Variants in CEPT1 observed in about 807,000 individuals in gnomAD.
CEPT1 encodes the protein choline/ethanolaminephosphotransferase 1.
Under a neutral mutation model 42.6 loss-of-function variants are expected in CEPT1, and 7 were observed. The observed-to-expected ratio is 0.16, with a 90% CI of 0.09 to 0.31. CEPT1 has a LOEUF of 0.31. CEPT1 is among the 10% of genes least tolerant of loss of function. The pLI is 1.00. For synonymous variants in CEPT1, 171 were observed against 171.9 expected (o/e 0.99, Z 0.04); for missense variants, 306 against 502.1 (o/e 0.61, Z 3.73).
intron 4 of CEPT1, among the ~76,000 whole-genome samples, chr1:111,166,600 A>G (rs1656155823): frequency 1.3e-5 from 2 of 152,198 alleles, no homozygotes; most frequent in African/African-American, 4.8e-5. Context: ...CTTTCCACAT[A>G]TATGCTAGTT....
At chr1:111,180,437 C>T (rs186584346) in intron 5 of CEPT1, 1 of 152,118 alleles carries the variant, frequency 6.6e-6, no homozygotes. Flanking sequence ...TCAAAGCAAC[C>T]ATGGTGTTGA....
chr1:111,165,522 A>G (rs1656104878), intron 4 of CEPT1, among the ~76,000 whole-genome samples: 1 of 152,160 alleles, frequency 6.6e-6, no homozygotes, highest in Non-Finnish European at 1.5e-5. Context: ...TTTTTTATAT[A>G]TCAGCTTGGG....
intron 2 of CEPT1, among the ~76,000 whole-genome samples, chr1:111,157,927 G>A (rs1655655426): frequency 6.6e-6 from 1 of 152,276 alleles, no homozygotes; most frequent in African/African-American, 2.4e-5. Flanking sequence ...AAACTACCTT[G>A]TGATTATAAA....
intron 5 of CEPT1, chr1:111,179,864 A>G (rs1656885116): frequency 6.6e-6 from 1 of 152,216 alleles, no homozygotes; most frequent in Non-Finnish European, 1.5e-5. Context: ...GTACAAAATC[A>G]ATTCAAACAA....
chr1:111,145,295 C>T (rs1238781543), intron 1 of CEPT1, among the ~76,000 whole-genome samples: 2 of 152,152 alleles, frequency 1.3e-5, no homozygotes, highest in East Asian at 1.9e-4. Flanking sequence ...TGAGCCACCG[C>T]GCCTGGCGAA....
Position 111,178,668 on chromosome 1 carries a change from A to G in CEPT1, c.715-3519A>G, listed in dbSNP as rs187753166. On this transcript the variant is annotated intron_variant, in intron 5 of 8. Transcript: ENST00000357172. ...TATTCTTATTTGGAAGAGACTTAAT[A>G]TAATCAACTCATGGTTACTTTTACT... 5.9e-5 allele frequency: 9 copies of G among 152,312 alleles called. No individual in the cohort carries two copies. In the East Asian group the frequency reaches 1.7e-3, roughly 29 times the overall value. 9.4% of individuals were successfully genotyped at this position (152,312 alleles called of 1,614,324 possible).
At chr1:111,179,191 T>C (rs1345354673) in intron 5 of CEPT1, 1 of 152,236 alleles carries the variant, frequency 6.6e-6, no homozygotes, top group African/African-American at 2.4e-5. Context: ...TGTAATCTGG[T>C]AAAGATACTG....
At chr1:111,160,086 A>C (rs1319659971) in intron 3 of CEPT1, 2 of 152,254 alleles carry the variant, frequency 1.3e-5, no homozygotes, top group African/African-American at 4.8e-5. Context: ...TAACTATAGT[A>C]ATCATTTATA....
chr1:111,159,551 A>G (rs1359227477), intron 3 of CEPT1, 24 bp downstream of exon 3: 6 of 1,589,528 alleles, frequency 3.8e-6, no homozygotes, highest in Admixed American at 1.8e-5. Context: ...TTTTAATGTT[A>G]TTGATTATTA....
At chr1:111,182,760 G>C in intron 6 of CEPT1, 39 bp from the exon 7 acceptor site, 1 of 1,559,840 alleles carries the variant, frequency 6.4e-7, no homozygotes. Flanking sequence ...TATCTGATGA[G>C]TACTGAATAC....
chr1:111,143,867 A>C (rs1051799158), intron 1 of CEPT1, among the ~76,000 whole-genome samples: 7 of 152,086 alleles, frequency 4.6e-5, no homozygotes, highest in African/African-American at 1.7e-4. Context: ...CCTCCCAAGT[A>C]GCTGGGAATG....
intron 3 of CEPT1, chr1:111,160,718 T>A (rs903117170): frequency 6.4e-6 from 1 of 156,904 alleles, no homozygotes; most frequent in Non-Finnish European, 1.4e-5. Flanking sequence ...TCTTTTTCTA[T>A]GTATGTCACC....
chr1:111,169,836 G>A (rs1656333808), intron 4 of CEPT1, among the ~76,000 whole-genome samples: 2 of 152,104 alleles, frequency 1.3e-5, no homozygotes, highest in South Asian at 4.1e-4. Flanking sequence ...AATTGTATTA[G>A]AATACAAAGA....
intron 4 of CEPT1, among the ~76,000 whole-genome samples, chr1:111,163,741 T>G (rs1169477955): frequency 6.6e-6 from 1 of 152,170 alleles, no homozygotes; most frequent in Non-Finnish European, 1.5e-5. Flanking sequence ...CATATAGATA[T>G]CCCTAAAGAC....
chr1:111,155,472 ACAT>A (rs1404019370), intron 2 of CEPT1, among the ~76,000 whole-genome samples: 2 of 151,774 alleles, frequency 1.3e-5, no homozygotes, highest in African/African-American at 4.8e-5. Flanking sequence ...TATACACACA[ACAT>A]ATATGACACA....
chr1:111,177,971 CT>C (rs1656770089), intron 5 of CEPT1, among the ~76,000 whole-genome samples: 2 of 152,114 alleles, frequency 1.3e-5, no homozygotes, highest in African/African-American at 4.8e-5. Context: ...TCTGTTTTTT[CT>C]TTTTTAACAA....
At chr1:111,156,295 A>C (rs1655567490) in intron 2 of CEPT1, among the ~76,000 whole-genome samples, 1 of 152,214 alleles carries the variant, frequency 6.6e-6, no homozygotes, top group Non-Finnish European at 1.5e-5. Context: ...ATATTTAAAA[A>C]TTTGTTGAGA....
At chr1:111,170,542 C>T (rs1409833648) in intron 4 of CEPT1, among the ~76,000 whole-genome samples, 1 of 152,100 alleles carries the variant, frequency 6.6e-6, no homozygotes, top group Non-Finnish European at 1.5e-5. Context: ...CAGTTTGTCC[C>T]TTATCAAGGG....
chr1:111,164,344 TCA>T (rs1314627925), intron 4 of CEPT1, among the ~76,000 whole-genome samples: 3 of 152,176 alleles, frequency 2.0e-5, no homozygotes, highest in Non-Finnish European at 4.4e-5. Flanking sequence ...ACTCCTGTTC[TCA>T]CAGTGCCGCT....
Sources: allele counts gnomAD v4.1 joint callset (sites outside exome capture counted in the v4.1 genomes callset), GRCh38; gene constraint gnomAD v4.1.1; transcripts MANE v1.5; gene names NCBI Gene and HGNC (gene_info 2026-07-23, HGNC 2026-07-21).